NLGN4X: variants seen among roughly 807,000 people sequenced by gnomAD.
The protein encoded by NLGN4X is neuroligin-4, X-linked.
NLGN4X carries 3 observed loss-of-function variants against 40.3 expected under a neutral mutation model. That is an observed-to-expected ratio of 0.07 (90% CI 0.03 to 0.19). NLGN4X has a LOEUF of 0.19. Among genes scored for constraint, NLGN4X ranks in the 10% least tolerant of loss-of-function variants. The probability of loss-of-function intolerance (pLI) is 1.00; values close to 1 mark genes in which losing one functional copy is unlikely to be tolerated. For missense variants in NLGN4X, 382 were observed against 708.3 expected (o/e 0.54, Z 5.23); for synonymous variants, 270 against 306.8 (o/e 0.88, Z 1.25).
intron 2 of NLGN4X, among the ~76,000 whole-genome samples, chrX:6,109,640 A>G (rs2039103755): frequency 8.9e-6 from 1 of 112,090 alleles, no homozygotes; most frequent in Non-Finnish European, 1.9e-5. Context: ...ACAAGGGTCT[A>G]CAGCAGTGAT....
chrX:6,082,951 T>TTTTTG (rs2038394851), intron 2 of NLGN4X, among the ~76,000 whole-genome samples: 2 of 74,822 alleles, frequency 2.7e-5, no homozygotes. Flanking sequence ...ATGATGCGTT[T>TTTTTG]TTTTCTTTTT....
At chrX:6,186,315 T>C (rs778718130) in intron 1 of NLGN4X, among the ~76,000 whole-genome samples, 77 of 112,155 alleles carry the variant, frequency 6.9e-4, no homozygotes, top group African/African-American at 2.1e-3. Flanking sequence ...TGCAAAACAT[T>C]TTATTTACAA....
At chrX:6,096,010 CTAAT>C (rs1281378686) in intron 2 of NLGN4X, among the ~76,000 whole-genome samples, 1 of 112,180 alleles carries the variant, frequency 8.9e-6, no homozygotes, top group Non-Finnish European at 1.9e-5. Context: ...ATGAAGCTAA[CTAAT>C]TGTTTGTTGT....
chrX:6,140,440 A>G (rs946125340), intron 2 of NLGN4X, among the ~76,000 whole-genome samples: 7 of 93,432 alleles, frequency 7.5e-5, no homozygotes, highest in Admixed American at 6.2e-4. Context: ...GGTTTCCTTC[A>G]ATAGCATTCA....
chrX:6,221,697 G>T (rs2147907377), intron 1 of NLGN4X, among the ~76,000 whole-genome samples: 1 of 110,089 alleles, frequency 9.1e-6, no homozygotes, highest in Non-Finnish European at 1.9e-5. Context: ...GTCACAGAGA[G>T]TACTGAAGAG....
At chrX:6,213,047 T>G (rs1473503900) in intron 1 of NLGN4X, among the ~76,000 whole-genome samples, 2 of 93,992 alleles carry the variant, frequency 2.1e-5, no homozygotes, top group Non-Finnish European at 4.2e-5. Context: ...CCCACCCCAC[T>G]TTAGGGACTT....
chrX:6,064,178 T>C (rs1227316366), intron 2 of NLGN4X, among the ~76,000 whole-genome samples: 6 of 110,941 alleles, frequency 5.4e-5, no homozygotes, highest in African/African-American at 2.0e-4. Context: ...TCCACCTTCC[T>C]AGAGGGTTAG....
chrX:6,073,926 T>C (rs1331496380), intron 2 of NLGN4X, among the ~76,000 whole-genome samples: 3 of 108,678 alleles, frequency 2.8e-5, no homozygotes, highest in Non-Finnish European at 5.7e-5. Flanking sequence ...TTATGAAGGA[T>C]AAAAGAAAAG....
intron 3 of NLGN4X, among the ~76,000 whole-genome samples, chrX:6,008,900 T>C (rs976910183): frequency 1.8e-5 from 2 of 112,123 alleles, no homozygotes; most frequent in Non-Finnish European, 3.8e-5. Flanking sequence ...CTCTGTGAAT[T>C]TGACAACTCT....
Position 5,892,304 on chromosome X carries a change from C to A in NLGN4X, c.*513G>T, listed in dbSNP as rs1286437324. 1 of 156,104 alleles carries A rather than the reference C, an allele frequency of 6.4e-6. No homozygotes were observed. Among genetic ancestry groups the A allele is most frequent in the African/African-American group, 3.1e-5 (1 of 31,916 alleles). The allele number at this position is 156,104 out of a possible 1,213,427, so 12.9% of individuals were successfully genotyped here. A position where few individuals can be genotyped will look rare whatever the true frequency, so the allele number is the denominator to read the frequency against. The stretch of plus-strand genomic sequence containing the variant: ...CCATTCTTTTAATAATAAATTTCTA[C>A]GTTTCCTTCTCTCTGGATTACAGCT... On this transcript the variant is annotated 3_prime_UTR_variant, in exon 6 of 6. Coordinates refer to ENST00000381095, the MANE Select transcript of NLGN4X (RefSeq NM_181332.3).
rs753871912 is a variant in NLGN4X, at chrX:5,915,927, C to T, written c.626-6688G>A. Among the ~76,000 whole-genome samples, 3 of 112,046 alleles carry T rather than the reference C, an allele frequency of 2.7e-5. No individual in the cohort carries two copies. The East Asian group carries it at 8.4e-4, about 31-fold the overall frequency. ...CTCTCATTCAATTGGCTGTCACATC[C>T]TTTGGTTTTAGTTTTCAAAGAGCTT... On this transcript the variant is annotated intron_variant, in intron 3 of 5. Coordinates refer to ENST00000381095, the MANE Select transcript of NLGN4X (RefSeq NM_181332.3).
rs189376425 is a variant in NLGN4X at position 6,174,188 on chromosome X, A to G, written c.-305-22417T>C. Among the ~76,000 whole-genome samples the G allele has an allele frequency of 4.5e-5, 5 of 112,303 alleles. No individual in the cohort carries two copies. In the East Asian group the frequency reaches 1.4e-3, roughly 32 times the overall value. ...AAAATGCTCCACATCATTGATCATT[A>G]GGGAAATGTAAATCAAAACCACAAT... On this transcript the variant is annotated intron_variant, in intron 1 of 5. Coordinates refer to ENST00000381095, the MANE Select transcript of NLGN4X (RefSeq NM_181332.3).
chrX:6,071,725 A>G (rs756063687), intron 2 of NLGN4X, among the ~76,000 whole-genome samples: 1 of 112,241 alleles, frequency 8.9e-6, no homozygotes, highest in Non-Finnish European at 1.9e-5. Context: ...TGTATGAGCA[A>G]GATTTAAATT....
At chrX:6,107,672 T>G (rs550506720) in intron 2 of NLGN4X, among the ~76,000 whole-genome samples, 2 of 111,807 alleles carry the variant, frequency 1.8e-5, no homozygotes, top group East Asian at 5.7e-4. Context: ...ATTGTACCCA[T>G]AGGTTAATTT....
At chrX:6,025,748 A>T (rs1265580634) in intron 3 of NLGN4X, among the ~76,000 whole-genome samples, 1 of 109,750 alleles carries the variant, frequency 9.1e-6, no homozygotes, top group Non-Finnish European at 1.9e-5. Flanking sequence ...TACTAAAAAT[A>T]CAAAAATTAG....
chrX:5,968,457 C>CTCTGTGTGTG (rs1192942244), intron 3 of NLGN4X, among the ~76,000 whole-genome samples: 2 of 47,018 alleles, frequency 4.3e-5, no homozygotes, highest in Non-Finnish European at 7.2e-5. Flanking sequence ...CTCTCTCTCT[C>CTCTGTGTGTG]TGTGTGTGTG....
At chrX:5,909,758 G>T (rs1228099643) in intron 3 of NLGN4X, among the ~76,000 whole-genome samples, 12 of 110,733 alleles carry the variant, frequency 1.1e-4, no homozygotes, top group African/African-American at 3.6e-4. Context: ...TTAACATTTT[G>T]TTTTAACTCC....
At chrX:5,970,891 A>G (rs954878275) in intron 3 of NLGN4X, among the ~76,000 whole-genome samples, 4 of 111,584 alleles carry the variant, frequency 3.6e-5, no homozygotes, top group African/African-American at 9.8e-5. Context: ...TTAAAATCTC[A>G]GAATGGCAGG....
At chrX:6,028,470 T>G (rs941969480) in intron 3 of NLGN4X, among the ~76,000 whole-genome samples, 1 of 109,251 alleles carries the variant, frequency 9.2e-6, no homozygotes, top group Non-Finnish European at 1.9e-5. Flanking sequence ...ACCAGCCTGG[T>G]CAATATGGTG....
Sources: allele counts gnomAD v4.1 joint callset (sites outside exome capture counted in the v4.1 genomes callset), GRCh38; gene constraint gnomAD v4.1.1; transcripts MANE v1.5; gene names NCBI Gene and HGNC (gene_info 2026-07-23, HGNC 2026-07-21).